SRBD1: variants seen among roughly 807,000 people sequenced by gnomAD.
The protein encoded by SRBD1 is S1 RNA binding domain 1.
SRBD1 carries 88 observed loss-of-function variants against 115.3 expected under a neutral mutation model. The ratio of observed to expected loss-of-function variants is 0.76; its 90% CI spans 0.64 to 0.91. The LOEUF (loss-of-function observed/expected upper bound fraction) is 0.91, where lower values mean the gene tolerates loss of function less well. Ranked by LOEUF, SRBD1 falls within the 40% of genes least tolerant of loss-of-function variation. The pLI is 0.00. For synonymous variants in SRBD1, 509 were observed against 407.7 expected (o/e 1.25, Z -2.99); for missense variants, 1,385 against 1,177.4 (o/e 1.18, Z -2.58).
At chr2:45,420,463 C>T (rs896050095) in intron 16 of SRBD1, among the ~76,000 whole-genome samples, 6 of 152,180 alleles carry the variant, frequency 3.9e-5, no homozygotes, top group African/African-American at 1.4e-4. Flanking sequence ...TTATATACCA[C>T]TAAGGAAGAA....
intron 14 of SRBD1, among the ~76,000 whole-genome samples, chr2:45,500,621 G>T (rs1024985421): frequency 2.6e-5 from 4 of 151,956 alleles, no homozygotes; most frequent in Non-Finnish European, 4.4e-5. Context: ...TCACCATGTT[G>T]CCCAGGCTGG....
At chr2:45,539,912 A>G (rs1334190294) in intron 14 of SRBD1, among the ~76,000 whole-genome samples, 1 of 152,244 alleles carries the variant, frequency 6.6e-6, no homozygotes, top group Non-Finnish European at 1.5e-5. Context: ...TAGAATTATT[A>G]CACAGATTGT....
intron 5 of SRBD1, 106 bp downstream of exon 5, chr2:45,585,502 G>C (rs1426880816): frequency 2.4e-6 from 3 of 1,259,818 alleles, no homozygotes; most frequent in Non-Finnish European, 3.3e-6. Flanking sequence ...AATAATTCAA[G>C]GAAACAAAAT....
chr2:45,554,301 T>C (rs992145684), intron 10 of SRBD1, among the ~76,000 whole-genome samples: 16 of 152,222 alleles, frequency 1.1e-4, no homozygotes, highest in Admixed American at 6.5e-5. Context: ...TCAGCTGGCA[T>C]TTTGATCTTG....
Position 45,537,623 on chromosome 2 carries a change from T to C in SRBD1, c.1874+9109A>G, listed in dbSNP as rs574956592. 2.6e-5 allele frequency among the ~76,000 whole-genome samples: 4 copies of C among 151,806 alleles called. No homozygotes were observed. The South Asian group carries it at 8.3e-4, about 31-fold the overall frequency. On this transcript the variant is annotated intron_variant, in intron 14 of 20. Coordinates refer to ENST00000263736, the MANE Select transcript of SRBD1 (RefSeq NM_018079.5). ...TCTGTGTCCTATAAAATGGGTGTGT[T>C]TTGGGGGGAGGGACAAGAGTTAGAC...
At chr2:45,432,421 T>C (rs1668368964) in intron 16 of SRBD1, among the ~76,000 whole-genome samples, 1 of 152,226 alleles carries the variant, frequency 6.6e-6, no homozygotes. Context: ...GTCTTTGACA[T>C]TAAAGCAGAG....
At chr2:45,573,391 CT>C in intron 8 of SRBD1, 49 bp from the exon 9 acceptor site, 1 of 1,560,052 alleles carries the variant, frequency 6.4e-7, no homozygotes, top group Non-Finnish European at 8.6e-7. Context: ...TTAATTTGTG[CT>C]TTAGTAAAGA....
chr2:45,537,438 C>T lies in SRBD1; in HGVS notation c.1874+9294G>A, dbSNP rs534991783. Among the ~76,000 whole-genome samples, 26 of 152,250 alleles carry T rather than the reference C, an allele frequency of 1.7e-4. No homozygotes were observed. The South Asian group carries it at 5.2e-3, about 30-fold the overall frequency. ...ACTTCAAGAGGGGTAGGGACTTTGC[C>T]TGTACTGCTTTCTTTCCCAGCACAC... On this transcript the variant is annotated intron_variant, in intron 14 of 20. Transcript: ENST00000263736.
At chr2:45,515,430 C>T (rs1438244170) in intron 14 of SRBD1, among the ~76,000 whole-genome samples, 1 of 152,126 alleles carries the variant, frequency 6.6e-6, no homozygotes, top group Non-Finnish European at 1.5e-5. Context: ...GAGCTATATA[C>T]TATATTCAGT....
intron 9 of SRBD1, among the ~76,000 whole-genome samples, chr2:45,571,908 C>G (rs1673031441): frequency 6.6e-6 from 1 of 152,032 alleles, no homozygotes. Context: ...ATCAATCATA[C>G]TCTCTACATA....
chr2:45,524,222 T>A (rs1211156921), intron 14 of SRBD1, among the ~76,000 whole-genome samples: 1 of 151,976 alleles, frequency 6.6e-6, no homozygotes, highest in East Asian at 1.9e-4. Context: ...AGACTGGATG[T>A]TTCCCCTAAA....
chr2:45,542,283 C>G (rs1175810885), intron 14 of SRBD1, among the ~76,000 whole-genome samples: 1 of 152,264 alleles, frequency 6.6e-6, no homozygotes, highest in Non-Finnish European at 1.5e-5. Context: ...TTGCTCTGTT[C>G]TGGAGCGGGT....
chr2:45,601,713 C>T (rs935093818), intron 3 of SRBD1, among the ~76,000 whole-genome samples, 190 bp downstream of exon 3: 1 of 152,222 alleles, frequency 6.6e-6, no homozygotes, highest in Non-Finnish European at 1.5e-5. Flanking sequence ...CAGACCAACT[C>T]CTAGGAGAGG....
At chr2:45,416,721 G>A (rs1667843050) in intron 18 of SRBD1, among the ~76,000 whole-genome samples, 1 of 152,286 alleles carries the variant, frequency 6.6e-6, no homozygotes, top group African/African-American at 2.4e-5. Flanking sequence ...TGAGACTTGA[G>A]AGGCATCTTT....
Position 45,389,509 on chromosome 2 carries a change from G to A in SRBD1, c.2789C>T (p.Thr930Ile). ...TVLTGKVENA[T>I]LFGIFVDIGV... ...TATATCCACAAAAATTCCAAAGAGAGTGGCATTCTCAACTTTGCCTGTAAG... is the reference window on the plus strand; with the variant it reads ...TATATCCACAAAAATTCCAAAGAGAATGGCATTCTCAACTTTGCCTGTAAG... The change falls in exon 21 of 21, where the codon ACT (threonine) becomes ATT (isoleucine). Residue 930 changes from threonine to isoleucine, a missense_variant. Physicochemically the swap from Thr to Ile is moderately conservative, Grantham distance 89. Transcript: ENST00000263736. The A allele has an allele frequency of 6.2e-7, 1 of 1,614,082 alleles. No individual in the cohort carries two copies. Among genetic ancestry groups the A allele is most frequent in the Non-Finnish European group, 8.5e-7 (1 of 1,179,958 alleles).
intron 4 of SRBD1, among the ~76,000 whole-genome samples, chr2:45,586,041 T>C (rs1673511329): frequency 6.6e-6 from 1 of 152,182 alleles, no homozygotes; most frequent in East Asian, 1.9e-4. Flanking sequence ...TTTTTAATGA[T>C]GCAATGATAT....
chr2:45,493,748 T>C (rs1477118243), intron 14 of SRBD1, among the ~76,000 whole-genome samples: 1 of 151,538 alleles, frequency 6.6e-6, no homozygotes, highest in Non-Finnish European at 1.5e-5. Context: ...AAGGTGAAGG[T>C]TGTAGTGAGC....
intron 14 of SRBD1, among the ~76,000 whole-genome samples, chr2:45,521,099 G>T (rs1671268058): frequency 1.3e-5 from 2 of 152,102 alleles, no homozygotes; most frequent in South Asian, 2.1e-4. Flanking sequence ...GGTTTGAACA[G>T]CGGCAGCAAC....
At chr2:45,525,485 G>A (rs1292416322) in intron 14 of SRBD1, among the ~76,000 whole-genome samples, 1 of 151,964 alleles carries the variant, frequency 6.6e-6, no homozygotes, top group Non-Finnish European at 1.5e-5. Flanking sequence ...AACAGTTTCA[G>A]TTATAGGAAG....
Sources: gnomAD v4.1 joint callset for allele counts (sites outside exome capture counted in the v4.1 genomes callset) on GRCh38, gnomAD v4.1.1 for gene constraint, MANE v1.5 for transcripts, NCBI Gene and HGNC (gene_info 2026-07-23, HGNC 2026-07-21) for gene names.